Variants in TBX19 observed in about 807,000 individuals in gnomAD.
The protein encoded by TBX19 is T-box transcription factor TBX19.
In TBX19, 33 loss-of-function variants were observed where a neutral mutation model predicts 40.9. The ratio of observed to expected loss-of-function variants is 0.81; its 90% CI spans 0.61 to 1.08. The LOEUF is 1.08. TBX19 is among the 50% of genes least tolerant of loss of function. The pLI is 0.00. For synonymous variants in TBX19, 220 were observed against 225.0 expected (o/e 0.98, Z 0.20); for missense variants, 494 against 574.0 (o/e 0.86, Z 1.42).
chr1:168,306,715 T>C (rs2284764), intron 6 of TBX19, among the ~76,000 whole-genome samples: 8,575 of 151,136 alleles, frequency 0.057, 417 homozygotes, highest in East Asian at 0.21. Flanking sequence ...CCTAATGTAA[T>C]GCAGAAACAT....
intron 7 of TBX19, among the ~76,000 whole-genome samples, chr1:168,311,614 G>T (rs1030766147): frequency 6.6e-6 from 1 of 152,122 alleles, no homozygotes; most frequent in Non-Finnish European, 1.5e-5. Context: ...ACTCATTCCT[G>T]ACTCCATAAA....
chr1:168,296,548 G>T (rs1649108430), intron 3 of TBX19, among the ~76,000 whole-genome samples: 1 of 152,070 alleles, frequency 6.6e-6, no homozygotes, highest in South Asian at 2.1e-4. Flanking sequence ...CAGTATGGGG[G>T]AAGCTGCCCT....
rs143880497 is a variant in TBX19 at position 168,303,784 on chromosome 1, G to T, written c.728-1224G>T. 7.3e-3 allele frequency among the ~76,000 whole-genome samples: 1,105 copies of T among 152,226 alleles called. 10 individuals carry two copies. Among genetic ancestry groups the T allele is most frequent in the Middle Eastern group, 0.031 (9 of 294 alleles). On this transcript the variant is annotated intron_variant, in intron 5 of 7. Coordinates refer to ENST00000367821, the MANE Select transcript of TBX19 (RefSeq NM_005149.3). Reference sequence around the variant, plus strand: ...GGTTGATTTCTCCCCTTTTTAGACCGCATAGGGTAACTTCCTGACATTGCC... The same window carrying T: ...GGTTGATTTCTCCCCTTTTTAGACCTCATAGGGTAACTTCCTGACATTGCC...
At chr1:168,288,225 A>G (rs1648850712) in intron 1 of TBX19, among the ~76,000 whole-genome samples, 1 of 152,180 alleles carries the variant, frequency 6.6e-6, no homozygotes, top group Non-Finnish European at 1.5e-5. Context: ...TTTCTGGATT[A>G]TTTACAATAC....
chr1:168,294,846 C>A (rs1281141673), intron 3 of TBX19, among the ~76,000 whole-genome samples: 1 of 152,106 alleles, frequency 6.6e-6, no homozygotes, highest in East Asian at 1.9e-4. Flanking sequence ...TATCCTGGTG[C>A]ATCTGTCATT....
intron 1 of TBX19, among the ~76,000 whole-genome samples, chr1:168,289,046 TTTTC>T (rs1193524227): frequency 2.6e-5 from 4 of 152,230 alleles, no homozygotes; most frequent in Non-Finnish European, 5.9e-5. Context: ...CACTCTTGTG[TTTTC>T]TTTAAAATAA....
chr1:168,297,666 T>G, intron 3 of TBX19, 58 bp from the exon 4 acceptor site: 1 of 1,481,048 alleles, frequency 6.8e-7, no homozygotes, highest in Non-Finnish European at 9.4e-7. Context: ...GACAAAGGGT[T>G]CTGTTTGCCC....
rs57039241 is a variant in TBX19 at position 168,293,284 on chromosome 1, AGTGTGTGTGTGTGTGT to A, written c.603+33_603+48del. On this transcript the variant is annotated splice_region_variant and intron_variant, in intron 3 of 7. Transcript: ENST00000367821. ...CTGCCTATCAGAATGAGGAGGTAAG[AGTGTGTGTGTGTGTGT>A]GTGTGTGTGTGTGTGTGTGTGTGTG... The A allele has an allele frequency of 5.5e-5, 73 of 1,321,842 alleles. No homozygotes were observed. Among genetic ancestry groups the A allele is most frequent in the South Asian group, 5.2e-4 (40 of 76,406 alleles). The allele number at this position is 1,321,842 out of a possible 1,614,324, so 81.9% of individuals were successfully genotyped here.
chr1:168,282,095 G>A (rs3767480), intron 1 of TBX19, among the ~76,000 whole-genome samples: 13,856 of 152,168 alleles, frequency 0.091, 1,194 homozygotes, highest in African/African-American at 0.22. Flanking sequence ...TGGCCAAACT[G>A]GCTCCAACAT....
At chr1:168,288,733 G>C (rs1648866035) in intron 1 of TBX19, among the ~76,000 whole-genome samples, 1 of 151,142 alleles carries the variant, frequency 6.6e-6, no homozygotes, top group East Asian at 1.9e-4. Flanking sequence ...ACTTTTATGT[G>C]TACTATATAG....
chr1:168,297,188 T>G (rs1649133651), intron 3 of TBX19, among the ~76,000 whole-genome samples: 2 of 152,146 alleles, frequency 1.3e-5, no homozygotes, highest in Non-Finnish European at 1.5e-5. Flanking sequence ...TGAATGGCAG[T>G]GATAGTTTGC....
intron 5 of TBX19, among the ~76,000 whole-genome samples, chr1:168,301,364 G>A (rs1432448313): frequency 6.6e-6 from 1 of 152,066 alleles, no homozygotes; most frequent in Non-Finnish European, 1.5e-5. Context: ...CCGGGTTCAA[G>A]TGACTCCTCT....
chr1:168,291,013 T>C, intron 1 of TBX19, 147 bp from the exon 2 acceptor site: 2 of 939,306 alleles, frequency 2.1e-6, no homozygotes, highest in East Asian at 2.4e-5. Context: ...GAAGCTCCAG[T>C]AGAATTGGGG....
chr1:168,285,659 G>A (rs943765907), intron 1 of TBX19, among the ~76,000 whole-genome samples: 1 of 152,218 alleles, frequency 6.6e-6, no homozygotes, highest in Non-Finnish European at 1.5e-5. Context: ...TCTCCAAGGA[G>A]GCTTTCTCTC....
intron 3 of TBX19, 132 bp from the exon 4 acceptor site, chr1:168,297,592 A>G (rs1649144379): frequency 1.3e-6 from 1 of 787,004 alleles, no homozygotes; most frequent in Non-Finnish European, 2.2e-6. Context: ...GATTACAGGC[A>G]TAAGCCATCG....
At chr1:168,285,242 C>CA (rs1393432896) in intron 1 of TBX19, among the ~76,000 whole-genome samples, 1 of 145,024 alleles carries the variant, frequency 6.9e-6, no homozygotes, top group Non-Finnish European at 1.5e-5. Flanking sequence ...TAAATGTCAG[C>CA]ATCCATGCAC....
At chr1:168,286,359 T>C (rs1648805015) in intron 1 of TBX19, among the ~76,000 whole-genome samples, 1 of 152,264 alleles carries the variant, frequency 6.6e-6, no homozygotes. Flanking sequence ...ACATTTTTAT[T>C]GCTTCAAAAG....
At chr1:168,289,587 C>T (rs913689126) in intron 1 of TBX19, among the ~76,000 whole-genome samples, 7 of 152,146 alleles carry the variant, frequency 4.6e-5, no homozygotes, top group Non-Finnish European at 1.5e-5. Context: ...TATACTTGTC[C>T]TAGCCTCCCA....
At chr1:168,295,715 G>T (rs1649087083) in intron 3 of TBX19, among the ~76,000 whole-genome samples, 1 of 152,126 alleles carries the variant, frequency 6.6e-6, no homozygotes, top group Admixed American at 6.5e-5. Context: ...CTGGAGTCTG[G>T]GTCTATGAGG....
Sources: gnomAD v4.1 joint callset for allele counts (sites outside exome capture counted in the v4.1 genomes callset) on GRCh38, gnomAD v4.1.1 for gene constraint, MANE v1.5 for transcripts, NCBI Gene and HGNC (gene_info 2026-07-23, HGNC 2026-07-21) for gene names.